Variants in KLHL32 observed in about 807,000 individuals in gnomAD.
The protein encoded by KLHL32 is kelch-like protein 32.
Under a neutral mutation model 64.8 loss-of-function variants are expected in KLHL32, and 35 were observed. The ratio of observed to expected loss-of-function variants is 0.54; its 90% CI spans 0.41 to 0.72. KLHL32 has a LOEUF of 0.72. KLHL32 is among the 30% of genes least tolerant of loss of function. The pLI is 0.00. For missense variants in KLHL32, 589 were observed against 768.5 expected (o/e 0.77, Z 2.76); for synonymous variants, 259 against 281.0 (o/e 0.92, Z 0.78).
intron 3 of KLHL32, among the ~76,000 whole-genome samples, chr6:96,979,437 C>T (rs1015902504): frequency 6.6e-6 from 1 of 152,132 alleles, no homozygotes; most frequent in East Asian, 1.9e-4. Flanking sequence ...TGTCAAAGAT[C>T]AGATGGTTGT....
At position 97,013,095 on chromosome 6, in the gene KLHL32, T is replaced by C. The variant is rs1328159993; in HGVS notation, c.205-28397T>C. Among the ~76,000 whole-genome samples, 4 of 152,240 alleles carry C rather than the reference T, an allele frequency of 2.6e-5. No homozygotes were observed. In the East Asian group the frequency reaches 7.7e-4, roughly 29 times the overall value. On this transcript the variant is annotated intron_variant, in intron 3 of 10. Transcript: ENST00000369261. ...GTGAGAAAAGGATACTTACCCCTCCTAGCCTTTACATAAGTGAAATATAGT... is the reference window on the plus strand; with the variant it reads ...GTGAGAAAAGGATACTTACCCCTCCCAGCCTTTACATAAGTGAAATATAGT...
intron 1 of KLHL32, among the ~76,000 whole-genome samples, chr6:96,932,858 A>G (rs1463545872): frequency 2.0e-5 from 3 of 152,134 alleles, no homozygotes; most frequent in Admixed American, 1.3e-4. Flanking sequence ...GATCTGAGCC[A>G]CTGTACCTTA....
chr6:97,101,476 A>C (rs1295986558), intron 6 of KLHL32, among the ~76,000 whole-genome samples: 5 of 152,214 alleles, frequency 3.3e-5, no homozygotes, highest in Admixed American at 6.5e-5. Flanking sequence ...CTTTCTCACC[A>C]AGTTTCTGAC....
chr6:96,968,119 A>C (rs1280682031), intron 2 of KLHL32, among the ~76,000 whole-genome samples: 1 of 152,138 alleles, frequency 6.6e-6, no homozygotes, highest in East Asian at 1.9e-4. Context: ...TGTTCCAGAA[A>C]TGTGTTGAGA....
intron 5 of KLHL32, among the ~76,000 whole-genome samples, chr6:97,079,404 C>A (rs1169024641): frequency 6.6e-6 from 1 of 152,108 alleles, no homozygotes; most frequent in Non-Finnish European, 1.5e-5. Context: ...CCATTCATGT[C>A]CTAACTGCTC....
chr6:97,093,861 G>A (rs1413662610), intron 6 of KLHL32, among the ~76,000 whole-genome samples: 1 of 152,180 alleles, frequency 6.6e-6, no homozygotes, highest in East Asian at 1.9e-4. Context: ...CTGACCAAGA[G>A]ACATAAATTA....
the KLHL32 span, among the ~76,000 whole-genome samples, chr6:96,910,075 T>C: frequency 1.3e-5 from 2 of 152,152 alleles, no homozygotes; most frequent in Non-Finnish European, 2.9e-5. Context: ...TTATGAGGTG[T>C]TGCTTTCTCT....
chr6:96,965,600 C>T (rs1774363964), intron 1 of KLHL32, among the ~76,000 whole-genome samples: 1 of 152,144 alleles, frequency 6.6e-6, no homozygotes, highest in Non-Finnish European at 1.5e-5. Flanking sequence ...ATATTCTTTG[C>T]AGTTTTAAAG....
intron 6 of KLHL32, among the ~76,000 whole-genome samples, chr6:97,110,480 C>T (rs1045676580): frequency 6.6e-6 from 1 of 152,110 alleles, no homozygotes; most frequent in Non-Finnish European, 1.5e-5. Flanking sequence ...TTCTGGAGCC[C>T]TTTTTCAACT....
intron 3 of KLHL32, among the ~76,000 whole-genome samples, chr6:97,017,498 G>A (rs781244703): frequency 5.9e-5 from 9 of 152,212 alleles, no homozygotes; most frequent in Non-Finnish European, 7.3e-5. Context: ...GAACAAAGGT[G>A]AGGAGTCAGG....
At chr6:97,014,365 T>G in intron 3 of KLHL32, among the ~76,000 whole-genome samples, 1 of 151,270 alleles carries the variant, frequency 6.6e-6, no homozygotes, top group East Asian at 1.9e-4. Flanking sequence ...CTGCTTTGGG[T>G]TTGTTTTATA....
intron 5 of KLHL32, among the ~76,000 whole-genome samples, chr6:97,071,806 G>A (rs1484234938): frequency 6.6e-6 from 1 of 152,116 alleles, no homozygotes; most frequent in African/African-American, 2.4e-5. Flanking sequence ...ACGTCATTCG[G>A]GTTGGGACTA....
chr6:97,047,243 G>T (rs1355650624), intron 4 of KLHL32, among the ~76,000 whole-genome samples: 1 of 152,234 alleles, frequency 6.6e-6, no homozygotes, highest in Admixed American at 6.5e-5. Context: ...GGCTGCATAA[G>T]CATTCACTCT....
Position 97,083,261 on chromosome 6 carries a change from G to A in KLHL32, c.412-1865G>A, listed in dbSNP as rs141863708. On this transcript the variant is annotated intron_variant, in intron 5 of 10. Coordinates refer to ENST00000369261, the MANE Select transcript of KLHL32 (RefSeq NM_052904.4). ...AAAAATTAGCTGGGTGCGATGGCAC[G>A]CGCCTGTGGTCCCAGCTGCTCGGGA... Among the ~76,000 whole-genome samples, 139 of 152,260 alleles carry A rather than the reference G, an allele frequency of 9.1e-4. 1 individual carries two copies. Among genetic ancestry groups the A allele is most frequent in the African/African-American group, 2.7e-3 (114 of 41,550 alleles).
chr6:97,026,166 T>G (rs1782699483), intron 3 of KLHL32, among the ~76,000 whole-genome samples: 2 of 152,084 alleles, frequency 1.3e-5, no homozygotes, highest in African/African-American at 4.8e-5. Context: ...TTTGAAAGCT[T>G]GTGGATGATT....
intron 5 of KLHL32, among the ~76,000 whole-genome samples, chr6:97,071,283 C>A (rs1790669815): frequency 6.6e-6 from 1 of 152,058 alleles, no homozygotes; most frequent in Non-Finnish European, 1.5e-5. Context: ...ATGCAGCAGG[C>A]CTTTGTGGTA....
At chr6:97,019,368 A>G (rs994815568) in intron 3 of KLHL32, among the ~76,000 whole-genome samples, 6 of 152,354 alleles carry the variant, frequency 3.9e-5, no homozygotes, top group African/African-American at 1.4e-4. Flanking sequence ...TTGGTCTTCA[A>G]TGCAAGCCCA....
chr6:97,056,382 A>G (rs183411725), intron 4 of KLHL32, among the ~76,000 whole-genome samples: 37 of 152,084 alleles, frequency 2.4e-4, no homozygotes, highest in East Asian at 9.7e-4. Context: ...TGGGATTACA[A>G]ACGTGAGCCA....
In KLHL32 at chr6:96,968,585, T is replaced by C. The variant is rs545937469; in HGVS notation, c.23+1502T>C. On this transcript the variant is annotated intron_variant, in intron 2 of 10. Coordinates refer to ENST00000369261, the MANE Select transcript of KLHL32 (RefSeq NM_052904.4). Reference sequence around the variant, plus strand: ...TAATTTTTTACTTTTAAGTCTGCCATCCCGTTCTTATTAATCAACTGTCTT... The same window carrying C: ...TAATTTTTTACTTTTAAGTCTGCCACCCCGTTCTTATTAATCAACTGTCTT... Among the ~76,000 whole-genome samples the C allele has an allele frequency of 1.1e-3, 165 of 152,250 alleles. 6 individuals carry two copies. The South Asian group carries it at 0.034, about 31-fold the overall frequency.
Sources: gnomAD v4.1 joint callset for allele counts (sites outside exome capture counted in the v4.1 genomes callset) on GRCh38, gnomAD v4.1.1 for gene constraint, MANE v1.5 for transcripts, NCBI Gene and HGNC (gene_info 2026-07-23, HGNC 2026-07-21) for gene names.